The following PARD3 variants were observed in gnomAD, a reference collection of about 807,000 sequenced individuals.
PARD3 encodes par-3 family cell polarity regulator.
PARD3 carries 75 observed loss-of-function variants against 155.4 expected under a neutral mutation model. That is an observed-to-expected ratio of 0.48 (90% CI 0.40 to 0.58). The LOEUF (loss-of-function observed/expected upper bound fraction) is 0.58. PARD3 is among the 20% of genes least tolerant of loss of function. PARD3 has a pLI of 0.00. For missense variants in PARD3, 1,642 were observed against 1,721.7 expected, an observed-to-expected ratio of 0.95 and a Z score of 0.82; for synonymous variants, 576 against 610.5, an observed-to-expected ratio of 0.94 and a Z score of 0.83.
intron 19 of PARD3, among the ~76,000 whole-genome samples, chr10:34,324,360 GA>G (rs1958556988): frequency 6.6e-6 from 1 of 152,194 alleles, no homozygotes; most frequent in Non-Finnish European, 1.5e-5. Context: ...GCACTGTGTA[GA>G]ATCAGCTGGA....
chr10:34,405,445 CA>C (rs1209329457), intron 5 of PARD3, among the ~76,000 whole-genome samples: 1 of 152,042 alleles, frequency 6.6e-6, no homozygotes. Context: ...AACTTGCTGA[CA>C]CCTGATATTT....
chr10:34,124,082 T>C (rs1453760388), intron 23 of PARD3, among the ~76,000 whole-genome samples: 3 of 152,244 alleles, frequency 2.0e-5, no homozygotes, highest in Non-Finnish European at 2.9e-5. Flanking sequence ...CACGTGTATA[T>C]ATATATCCAC....
intron 5 of PARD3, among the ~76,000 whole-genome samples, chr10:34,449,490 T>C (rs529344765): frequency 4.0e-5 from 6 of 148,848 alleles, no homozygotes; most frequent in South Asian, 2.2e-4. Context: ...TTAGGAGATA[T>C]ACCTAACGCT....
chr10:34,572,767 G>A lies in PARD3; in HGVS notation c.223-55608C>T, dbSNP rs528889256. 3.3e-5 allele frequency among the ~76,000 whole-genome samples: 5 copies of A among 151,700 alleles called. No homozygotes were observed. The East Asian group carries it at 5.8e-4, about 18-fold the overall frequency. On this transcript the variant is annotated intron_variant, in intron 2 of 24. Transcript: ENST00000374788. ...ACGGGGGTTTTGTTGCTCTTCATCT[G>A]TCATCTCTTACGCAGGCCATATGGC...
At chr10:34,420,337 G>A (rs1157501780) in intron 5 of PARD3, among the ~76,000 whole-genome samples, 1 of 152,066 alleles carries the variant, frequency 6.6e-6, no homozygotes, top group Non-Finnish European at 1.5e-5. Flanking sequence ...ACGTGAAGAG[G>A]GATTTCTTTA....
chr10:34,567,310 A>T (rs962235051), intron 2 of PARD3, among the ~76,000 whole-genome samples: 5 of 152,222 alleles, frequency 3.3e-5, no homozygotes, highest in Non-Finnish European at 7.3e-5. Context: ...ACAATTTTTT[A>T]AAAACAATGT....
At chr10:34,512,527 C>A (rs190756241) in intron 3 of PARD3, among the ~76,000 whole-genome samples, 3 of 152,278 alleles carry the variant, frequency 2.0e-5, no homozygotes, top group Admixed American at 6.5e-5. Flanking sequence ...CCTGTACAGG[C>A]TTGCATTCAG....
chr10:34,391,979 G>C (rs2132093397), intron 7 of PARD3, among the ~76,000 whole-genome samples: 1 of 152,174 alleles, frequency 6.6e-6, no homozygotes, highest in African/African-American at 2.4e-5. Flanking sequence ...AACATGGGGA[G>C]ACCCCACCTT....
chr10:34,246,174 G>T (rs1446630658), intron 22 of PARD3, among the ~76,000 whole-genome samples: 1 of 152,212 alleles, frequency 6.6e-6, no homozygotes, highest in East Asian at 1.9e-4. Context: ...ATTTTAAGGG[G>T]TTTAAGAGTA....
At chr10:34,344,093 A>G in intron 15 of PARD3, 8 of 965,038 alleles carry the variant, frequency 8.3e-6, no homozygotes, top group Non-Finnish European at 7.4e-6. Flanking sequence ...AAATTCTAAA[A>G]TGGATACAAC....
intron 1 of PARD3, among the ~76,000 whole-genome samples, chr10:34,749,296 A>C (rs1351185656): frequency 6.6e-6 from 1 of 152,216 alleles, no homozygotes; most frequent in Non-Finnish European, 1.5e-5. Context: ...AATGCTAGCC[A>C]GTGCAATTAA....
At position 34,470,148 on chromosome 10, in the gene PARD3, C is replaced by A; in HGVS notation, c.519G>T (p.Trp173Cys). 6.2e-7 allele frequency: 1 copy of A among 1,613,340 alleles called. No homozygotes were observed. Reference protein sequence around the residue: ...EEPSRKNPTRWSTTAGFLKQN... With the variant: ...EEPSRKNPTRCSTTAGFLKQN... ...GCTTGAGGAAGCCAGCTGTTGTTGA[C>A]CAGCGTGTGGGATTTTTCCTTGAAG... Residue 173 changes from tryptophan (W) to cysteine (C), a missense_variant, in exon 4 of 25, where the codon TGG (tryptophan) becomes TGT (cysteine). Around this residue, in one of 3 missense-constraint regions of PARD3, gnomAD observed 1,529 missense variants for 1,587.3 expected, o/e 0.96. Transcript: ENST00000374788.
At chr10:34,412,280 G>A (rs953515876) in intron 5 of PARD3, among the ~76,000 whole-genome samples, 6 of 151,990 alleles carry the variant, frequency 3.9e-5, no homozygotes, top group Non-Finnish European at 5.9e-5. Context: ...CATTAATCCC[G>A]TAGATATCAT....
chr10:34,730,944 C>T (rs567535857), intron 1 of PARD3, among the ~76,000 whole-genome samples: 57 of 152,256 alleles, frequency 3.7e-4, no homozygotes, highest in African/African-American at 1.3e-3. Context: ...CTTAAACCAA[C>T]CCACAATTTG....
rs866694649 is a variant in PARD3, at chr10:34,309,575, A to C, written c.3065+7532T>G. 5.8e-3 allele frequency among the ~76,000 whole-genome samples: 687 copies of C among 118,388 alleles called. 21 individuals are homozygous for C. The highest frequency in any genetic ancestry group is 0.022 in the African/African-American group (659 of 30,090). The allele number at this position is 118,388 out of a possible 152,430, so 77.7% of individuals were successfully genotyped here. On this transcript the variant is annotated intron_variant, in intron 20 of 24. Coordinates refer to ENST00000374788, the MANE Select transcript of PARD3 (RefSeq NM_001184785.2). ...AAAAAAAAAAAAAAAAAAAAAAAAA[A>C]AAAAAAGGCAGACACAGATGGATCA... is the stretch of plus-strand genomic sequence containing the variant.
chr10:34,798,730 A>ATACAGG (rs1842560849), intron 1 of PARD3, among the ~76,000 whole-genome samples: 1 of 151,144 alleles, frequency 6.6e-6, no homozygotes, highest in Non-Finnish European at 1.5e-5. Flanking sequence ...AAACCCACAC[A>ATACAGG]TACAGGCTGA....
intron 18 of PARD3, among the ~76,000 whole-genome samples, chr10:34,333,344 C>A (rs1490544032): frequency 6.6e-6 from 1 of 151,832 alleles, no homozygotes; most frequent in Non-Finnish European, 1.5e-5. Context: ...ATTGAGTGTC[C>A]CTAAGCATAA....
intron 2 of PARD3, among the ~76,000 whole-genome samples, chr10:34,692,102 T>C (rs10400006): frequency 0.41 from 62,361 of 151,800 alleles, 14,171 homozygotes; most frequent in African/African-American, 0.6. Flanking sequence ...CATGGTGACG[T>C]GCACCTGTAA....
intron 21 of PARD3, among the ~76,000 whole-genome samples, chr10:34,277,863 G>A (rs1456473541): frequency 6.6e-6 from 1 of 152,140 alleles, no homozygotes; most frequent in Non-Finnish European, 1.5e-5. Flanking sequence ...TTTGTGCTTA[G>A]GGGGAGAGAG....
Sources: gnomAD v4.1 joint callset for allele counts (sites outside exome capture counted in the v4.1 genomes callset) on GRCh38, gnomAD v4.1.1 for gene constraint, gnomAD v4.1.1 regional missense constraint, MANE v1.5 for transcripts, NCBI Gene and HGNC (gene_info 2026-07-23, HGNC 2026-07-21) for gene names.